Variants in POU2F1 observed in about 807,000 individuals in gnomAD.
POU2F1 encodes the protein POU domain, class 2, transcription factor 1.
In POU2F1, 16 loss-of-function variants were observed where a neutral mutation model predicts 84.9. That is an observed-to-expected ratio of 0.19 (90% CI 0.13 to 0.29). The LOEUF (loss-of-function observed/expected upper bound fraction) is 0.29, where lower values mean the gene tolerates loss of function less well. Ranked by LOEUF, POU2F1 falls within the 10% of genes least tolerant of loss-of-function variation. The pLI, the probability that POU2F1 is intolerant of heterozygous loss-of-function variation, is 1.00. For missense variants in POU2F1, 738 were observed against 942.6 expected (o/e 0.78, Z 2.84); for synonymous variants, 368 against 368.3 (o/e 1.00, Z 0.01).
At chr1:167,414,316 C>CA in intron 15 of POU2F1, 1 of 985,100 alleles carries the variant, frequency 1.0e-6, no homozygotes, top group Non-Finnish European at 1.2e-6. Context: ...ACTACAAAGG[C>CA]AAAATGTCTT....
At chr1:167,300,680 G>A (rs1286533907) in intron 1 of POU2F1, among the ~76,000 whole-genome samples, 2 of 152,092 alleles carry the variant, frequency 1.3e-5, no homozygotes, top group Non-Finnish European at 2.9e-5. Context: ...GGCCAGGATG[G>A]TCTCGATCTC....
chr1:167,357,007 A>G (rs1658982171), intron 2 of POU2F1, among the ~76,000 whole-genome samples: 1 of 152,160 alleles, frequency 6.6e-6, no homozygotes, highest in South Asian at 2.1e-4. Flanking sequence ...ATGCTCAAGA[A>G]ATTACTTCTC....
At chr1:167,318,382 G>T (rs1001098588) in intron 1 of POU2F1, among the ~76,000 whole-genome samples, 1 of 152,146 alleles carries the variant, frequency 6.6e-6, no homozygotes, top group African/African-American at 2.4e-5. Context: ...GCCATGGCAC[G>T]CAGACTGAGA....
intron 1 of POU2F1, chr1:167,329,061 T>C (rs954491405): frequency 8.3e-7 from 1 of 1,203,094 alleles, no homozygotes; most frequent in Non-Finnish European, 1.0e-6. Context: ...TCTGAGCAAC[T>C]GAAGTTTCCT....
chr1:167,383,771 C>T (rs1053584848), intron 7 of POU2F1, 86 bp from the exon 8 acceptor site: 10 of 1,196,684 alleles, frequency 8.4e-6, no homozygotes, highest in Admixed American at 8.2e-5. Flanking sequence ...TGGAAATTTT[C>T]AGCTCATTTT....
rs1030560546 is a variant in POU2F1 at position 167,286,732 on chromosome 1, G to A, written c.62-45738G>A. 7.2e-5 allele frequency among the ~76,000 whole-genome samples: 11 copies of A among 152,044 alleles called. 1 individual carries two copies. Among genetic ancestry groups the A allele is most frequent in the African/African-American group, 2.2e-4 (9 of 41,384 alleles). ...TGTAGTGCTATGGAAACACAGAAGG[G>A]GCAAACAATACTGTTTTAAATCTTG... On this transcript the variant is annotated intron_variant, in intron 1 of 15. Transcript: ENST00000367866.
At chr1:167,388,677 G>A (rs1648163578) in intron 8 of POU2F1, among the ~76,000 whole-genome samples, 1 of 152,166 alleles carries the variant, frequency 6.6e-6, no homozygotes, top group Non-Finnish European at 1.5e-5. Flanking sequence ...AAATAAAAAT[G>A]CTATATATCC....
intron 1 of POU2F1, among the ~76,000 whole-genome samples, chr1:167,275,663 T>C (rs1414216937): frequency 6.6e-6 from 1 of 152,120 alleles, no homozygotes; most frequent in African/African-American, 2.4e-5. Flanking sequence ...AAAAAAGACA[T>C]CCCAAAATTC....
intron 1 of POU2F1, among the ~76,000 whole-genome samples, chr1:167,323,483 A>G (rs1656467281): frequency 1.3e-5 from 2 of 152,324 alleles, no homozygotes; most frequent in South Asian, 4.1e-4. Flanking sequence ...CTGGTGGAGT[A>G]GCTTTCTCAG....
chr1:167,305,206 T>A (rs1020751491), intron 1 of POU2F1, among the ~76,000 whole-genome samples: 1 of 151,402 alleles, frequency 6.6e-6, no homozygotes, highest in African/African-American at 2.4e-5. Flanking sequence ...TTTTTTTTTT[T>A]AAACAGGATC....
intron 7 of POU2F1, among the ~76,000 whole-genome samples, chr1:167,378,711 G>GT (rs1292897043): frequency 1.3e-4 from 19 of 151,580 alleles, no homozygotes; most frequent in Non-Finnish European, 2.9e-5. Context: ...AGGCCTTTTT[G>GT]TTTTTTTGTG....
At chr1:167,317,212 A>G (rs369553051) in intron 1 of POU2F1, among the ~76,000 whole-genome samples, 1 of 152,228 alleles carries the variant, frequency 6.6e-6, no homozygotes, top group South Asian at 2.1e-4. Flanking sequence ...ATACTAGACA[A>G]CAATGTCAAG....
At position 167,225,839 on chromosome 1, in the gene POU2F1, T is replaced by A. The variant is rs574600771; in HGVS notation, c.61+4881T>A. Among the ~76,000 whole-genome samples, 15 of 152,324 alleles carry A rather than the reference T, an allele frequency of 9.8e-5. 1 individual carries two copies. The South Asian group carries it at 3.1e-3, about 32-fold the overall frequency. On this transcript the variant is annotated intron_variant, in intron 1 of 15. Coordinates refer to ENST00000367866, the MANE Select transcript of POU2F1 (RefSeq NM_002697.4). The stretch of plus-strand genomic sequence containing the variant: ...TATCGGTTATTTTTGTTTTGTTTTT[T>A]AATTTTGAAACCCCATAGTTGTAAT...
At chr1:167,329,163 G>C in intron 1 of POU2F1, 1 of 1,425,426 alleles carries the variant, frequency 7.0e-7, no homozygotes, top group Non-Finnish European at 9.3e-7. Flanking sequence ...CCCTCTTTTC[G>C]CTTAAGAACA....
chr1:167,387,156 C>T, intron 8 of POU2F1: 1 of 455,980 alleles, frequency 2.2e-6, no homozygotes, highest in Non-Finnish European at 4.4e-6. Flanking sequence ...CTCCTGCTCA[C>T]TGAATTCTAC....
At chr1:167,324,908 C>A (rs920936588) in intron 1 of POU2F1, among the ~76,000 whole-genome samples, 13 of 152,224 alleles carry the variant, frequency 8.5e-5, no homozygotes, top group African/African-American at 3.1e-4. Context: ...CTGAGAGCCC[C>A]ATAATGCAAC....
Position 167,420,993 on chromosome 1 carries a change from CA to C in POU2F1, c.*5187del, listed in dbSNP as rs1219784346. On this transcript the variant is annotated 3_prime_UTR_variant, in exon 16 of 16. Transcript: ENST00000367866. ...TAAAGACCCAAAATTTAAAATTTTC[CA>C]AAATGGACAAGAATTGATGGGTTAA... The C allele has an allele frequency of 6.6e-6, 1 of 152,146 alleles. No individual in the cohort carries two copies. The highest frequency in any genetic ancestry group is 1.9e-4 in the East Asian group (1 of 5,194). 9.4% of individuals were successfully genotyped at this position (152,146 alleles called of 1,614,324 possible).
intron 1 of POU2F1, among the ~76,000 whole-genome samples, chr1:167,227,291 G>T (rs1321794214): frequency 1.3e-5 from 2 of 152,042 alleles, no homozygotes; most frequent in African/African-American, 2.4e-5. Context: ...TGCTTTTTAT[G>T]TTGGAATATA....
intron 1 of POU2F1, among the ~76,000 whole-genome samples, chr1:167,249,351 C>T (rs1650561711): frequency 6.6e-6 from 1 of 152,318 alleles, no homozygotes; most frequent in South Asian, 2.1e-4. Flanking sequence ...CCTCCTCATC[C>T]CATTGAAATC....
Sources: allele counts gnomAD v4.1 joint callset (sites outside exome capture counted in the v4.1 genomes callset), GRCh38; gene constraint gnomAD v4.1.1; transcripts MANE v1.5; gene names NCBI Gene and HGNC (gene_info 2026-07-23, HGNC 2026-07-21).